SLC39A9: variants seen among roughly 807,000 people sequenced by gnomAD.
SLC39A9 encodes the protein solute carrier family 39 member 9, also known as zinc transporter ZIP9.
In SLC39A9, 14 loss-of-function variants were observed where a neutral mutation model predicts 28.4. That is an observed-to-expected ratio of 0.49 (90% confidence interval 0.33 to 0.77). SLC39A9 has a LOEUF of 0.77. SLC39A9 is among the 30% of genes least tolerant of loss of function. The pLI, the probability that SLC39A9 is intolerant of heterozygous loss-of-function variation, is 0.02. For missense variants in SLC39A9, 283 were observed against 381.1 expected (o/e 0.74, Z 2.14); for synonymous variants, 119 against 149.6 (o/e 0.80, Z 1.49).
rs900809437 is a variant in SLC39A9 at position 69,459,535 on chromosome 14, G to A, written c.*942G>A. Reference sequence around the variant, plus strand: ...GCTTTTTTTAAAAGACTACCAAAATGTATGGTTGTCCTTTTTTTTTGTTTT... The same window carrying A: ...GCTTTTTTTAAAAGACTACCAAAATATATGGTTGTCCTTTTTTTTTGTTTT... On this transcript the variant is annotated 3_prime_UTR_variant, in exon 7 of 7. Coordinates refer to ENST00000336643, the MANE Select transcript of SLC39A9 (RefSeq NM_018375.5). 5 of 965,702 alleles carry A rather than the reference G, an allele frequency of 5.2e-6. No individual in the cohort carries two copies. In the African/African-American group the frequency reaches 8.9e-5, roughly 17 times the overall value. The allele number at this position is 965,702 out of a possible 1,614,324, so 59.8% of individuals were successfully genotyped here. A position where few individuals can be genotyped will look rare whatever the true frequency, so the allele number is the denominator to read the frequency against.
At chr14:69,420,335 TTC>T (rs1422356549) in intron 1 of SLC39A9, among the ~76,000 whole-genome samples, 8 of 152,248 alleles carry the variant, frequency 5.3e-5, no homozygotes, top group Non-Finnish European at 1.0e-4. Context: ...CCCCACTCTC[TTC>T]TGGCTTGTAG....
intron 1 of SLC39A9, among the ~76,000 whole-genome samples, chr14:69,412,070 C>T (rs182511743): frequency 5.3e-5 from 8 of 151,852 alleles, no homozygotes; most frequent in South Asian, 2.1e-4. Flanking sequence ...CATGAGCAAC[C>T]GCACCCAGCC....
intron 1 of SLC39A9, among the ~76,000 whole-genome samples, chr14:69,414,201 T>A (rs1312105490): frequency 6.6e-6 from 1 of 152,094 alleles, no homozygotes. Flanking sequence ...TTGTGCACCA[T>A]CATACTCGGC....
At chr14:69,432,389 A>AT (rs1204200353) in intron 2 of SLC39A9, among the ~76,000 whole-genome samples, 1 of 151,954 alleles carries the variant, frequency 6.6e-6, no homozygotes, top group Non-Finnish European at 1.5e-5. Flanking sequence ...TCTTTTGCCC[A>AT]TTTTTTAATG....
intron 1 of SLC39A9, among the ~76,000 whole-genome samples, chr14:69,408,303 A>G (rs1883055372): frequency 6.6e-6 from 1 of 152,188 alleles, no homozygotes; most frequent in Admixed American, 6.5e-5. Flanking sequence ...ATGAGCCACC[A>G]TGCCCAGCCC....
chr14:69,400,226 T>G (rs1208590433), intron 1 of SLC39A9, among the ~76,000 whole-genome samples: 1 of 152,258 alleles, frequency 6.6e-6, no homozygotes, highest in Non-Finnish European at 1.5e-5. Flanking sequence ...AGATTGTTCT[T>G]AACTCACATT....
intron 1 of SLC39A9, among the ~76,000 whole-genome samples, chr14:69,417,384 T>C (rs1883634016): frequency 2.0e-5 from 3 of 152,244 alleles, no homozygotes; most frequent in Admixed American, 2.0e-4. Context: ...AGCCTTGTAA[T>C]ATAGTTGGAA....
At chr14:69,458,090 A>C (rs1031537768) in intron 6 of SLC39A9, among the ~76,000 whole-genome samples, 3 of 152,236 alleles carry the variant, frequency 2.0e-5, no homozygotes, top group Non-Finnish European at 4.4e-5. Context: ...TTCATGAATC[A>C]TAATGTCACT....
At chr14:69,405,201 C>T (rs1189777010) in intron 1 of SLC39A9, among the ~76,000 whole-genome samples, 1 of 152,158 alleles carries the variant, frequency 6.6e-6, no homozygotes, top group Non-Finnish European at 1.5e-5. Context: ...ACAACCAAAC[C>T]ATATCAGTGT....
rs991662245 is a variant in SLC39A9, at chr14:69,460,539, A to G, written c.*1946A>G. The G allele has an allele frequency of 3.0e-6, 3 of 985,082 alleles. No individual in the cohort carries two copies. Among genetic ancestry groups the G allele is most frequent in the Non-Finnish European group, 3.6e-6 (3 of 829,880 alleles). 61.0% of individuals were successfully genotyped at this position (985,082 alleles called of 1,614,324 possible). On this transcript the variant is annotated 3_prime_UTR_variant, in exon 7 of 7. Coordinates refer to ENST00000336643, the MANE Select transcript of SLC39A9 (RefSeq NM_018375.5). ...AAACTGACTTTGTCAAATAAATAGC[A>G]GATTGTAGTGTCTGGTTTGGTTTGG...
chr14:69,402,954 T>C (rs8015317), intron 1 of SLC39A9, among the ~76,000 whole-genome samples: 68,548 of 151,778 alleles, frequency 0.45, 15,661 homozygotes, highest in Middle Eastern at 0.59. Flanking sequence ...TGGTGGCATG[T>C]GCCTGTAATC....
rs1438572848 is a variant in SLC39A9 at position 69,398,822 on chromosome 14, A to T, written c.-548A>T. On this transcript the variant is annotated 5_prime_UTR_variant, in exon 1 of 7. Transcript: ENST00000336643. ...AGCTTTGTGTCAACTTTGCTGCTGA[A>T]CCCCTAGGACCCATCGTTAGAGACC... 2.3e-5 allele frequency: 4 copies of T among 177,582 alleles called. No individual in the cohort carries two copies. The highest frequency in any genetic ancestry group is 4.8e-5 in the Non-Finnish European group (4 of 84,008). The allele number at this position is 177,582 out of a possible 1,614,324, so 11.0% of individuals were successfully genotyped here. A position where few individuals can be genotyped will look rare whatever the true frequency, so the allele number is the denominator to read the frequency against.
chr14:69,405,816 A>G (rs1882883542), intron 1 of SLC39A9, among the ~76,000 whole-genome samples: 2 of 152,206 alleles, frequency 1.3e-5, no homozygotes, highest in Non-Finnish European at 2.9e-5. Context: ...TGATAAACAT[A>G]ATTAAGACTT....
intron 1 of SLC39A9, among the ~76,000 whole-genome samples, chr14:69,417,882 G>A (rs1883663673): frequency 6.6e-6 from 1 of 152,114 alleles, no homozygotes; most frequent in East Asian, 1.9e-4. Flanking sequence ...GAGATGATGG[G>A]TTTTCTAAAT....
chr14:69,426,093 AACCAGATGCGTGGCAATATCTCCCCACT>A (rs1884174281), intron 2 of SLC39A9, among the ~76,000 whole-genome samples: 1 of 152,208 alleles, frequency 6.6e-6, no homozygotes, highest in Non-Finnish European at 1.5e-5. Context: ...AAACTTCTGT[AACCAGATGCGTGGCAATATCTCCCCACT>A]ACCAAGCAGT....
At chr14:69,403,259 T>C (rs1489832997) in intron 1 of SLC39A9, among the ~76,000 whole-genome samples, 1 of 152,194 alleles carries the variant, frequency 6.6e-6, no homozygotes, top group African/African-American at 2.4e-5. Flanking sequence ...TAAATAACAA[T>C]GTTACATAAG....
chr14:69,459,161 A>G lies in SLC39A9; in HGVS notation c.*568A>G. On this transcript the variant is annotated 3_prime_UTR_variant, in exon 7 of 7. Coordinates refer to ENST00000336643, the MANE Select transcript of SLC39A9 (RefSeq NM_018375.5). ...GGTCAGGAAAATGATAGCAAGACACATTGAAAGCTCTCTTTATACTCAAAA... is the reference window on the plus strand; with the variant it reads ...GGTCAGGAAAATGATAGCAAGACACGTTGAAAGCTCTCTTTATACTCAAAA... 1 of 985,996 alleles carries G rather than the reference A, an allele frequency of 1.0e-6. No individual in the cohort carries two copies. Among genetic ancestry groups the G allele is most frequent in the South Asian group, 4.7e-5 (1 of 21,298 alleles). 61.1% of individuals were successfully genotyped at this position (985,996 alleles called of 1,614,324 possible).
In SLC39A9 at chr14:69,461,875, C is replaced by A; in HGVS notation, c.*3282C>A. 1.2e-6 allele frequency: 1 copy of A among 822,158 alleles called. No individual in the cohort carries two copies. The highest frequency in any genetic ancestry group is 1.8e-6 in the Non-Finnish European group (1 of 545,470). The allele number at this position is 822,158 out of a possible 1,614,324, so 50.9% of individuals were successfully genotyped here. A position where few individuals can be genotyped will look rare whatever the true frequency, so the allele number is the denominator to read the frequency against. ...GAATCATGACCAGATTCATCCAGAA[C>A]TGCTGCAGTGTTAAGTGAAAATCCT... On this transcript the variant is annotated 3_prime_UTR_variant, in exon 7 of 7. Coordinates refer to ENST00000336643, the MANE Select transcript of SLC39A9 (RefSeq NM_018375.5).
At chr14:69,444,151 A>C (rs545227965) in intron 3 of SLC39A9, among the ~76,000 whole-genome samples, 1 of 152,242 alleles carries the variant, frequency 6.6e-6, no homozygotes, top group East Asian at 1.9e-4. Context: ...ACACCACTGC[A>C]CTCCAGTTCA....
Sources: allele counts gnomAD v4.1 joint callset (sites outside exome capture counted in the v4.1 genomes callset), GRCh38; gene constraint gnomAD v4.1.1; transcripts MANE v1.5; gene names NCBI Gene and HGNC (gene_info 2026-07-23, HGNC 2026-07-21).